UBASH3B: variants seen among roughly 807,000 people sequenced by gnomAD.
UBASH3B encodes the protein ubiquitin associated and SH3 domain containing B, also known as ubiquitin-associated and SH3 domain-containing protein B.
Under a neutral mutation model 83.4 loss-of-function variants are expected in UBASH3B, and 37 were observed. That is an observed-to-expected ratio of 0.44 (90% CI 0.34 to 0.58). The LOEUF (loss-of-function observed/expected upper bound fraction) is 0.58. Among genes scored for constraint, UBASH3B ranks in the 20% least tolerant of loss-of-function variants. The pLI is 0.01. For synonymous variants in UBASH3B, 304 were observed against 318.3 expected (o/e 0.96, Z 0.48); for missense variants, 657 against 827.2 (o/e 0.79, Z 2.52).
chr11:122,734,611 C>T (rs776290800), intron 1 of UBASH3B, among the ~76,000 whole-genome samples: 27 of 152,194 alleles, frequency 1.8e-4, no homozygotes, highest in Admixed American at 6.5e-5. Context: ...CTCACTCCAA[C>T]GACTGCCTTG....
chr11:122,706,914 A>C (rs1027827506), intron 1 of UBASH3B, among the ~76,000 whole-genome samples: 13 of 152,184 alleles, frequency 8.5e-5, no homozygotes, highest in Admixed American at 3.9e-4. Context: ...TTTGGACCTA[A>C]ATTCTGTTGT....
chr11:122,673,851 G>T (rs2135902276), intron 1 of UBASH3B, among the ~76,000 whole-genome samples: 1 of 152,316 alleles, frequency 6.6e-6, no homozygotes, highest in Middle Eastern at 3.4e-3. Flanking sequence ...GAAGAAGGAA[G>T]TACTCTCAAA....
intron 1 of UBASH3B, among the ~76,000 whole-genome samples, chr11:122,683,541 G>C (rs968587359): frequency 2.6e-5 from 4 of 151,304 alleles, no homozygotes; most frequent in African/African-American, 9.7e-5. Context: ...GGAGGCGGAG[G>C]TTGCAGTGAG....
intron 1 of UBASH3B, among the ~76,000 whole-genome samples, chr11:122,719,436 C>A (rs893144435): frequency 2.6e-5 from 4 of 152,112 alleles, no homozygotes; most frequent in Non-Finnish European, 5.9e-5. Context: ...TTTTCTTGTC[C>A]CTTTCTTTCA....
At chr11:122,777,876 T>C (rs935201806) in intron 3 of UBASH3B, among the ~76,000 whole-genome samples, 1 of 152,086 alleles carries the variant, frequency 6.6e-6, no homozygotes, top group African/African-American at 2.4e-5. Context: ...ATTACAGGCA[T>C]ATGCCACCAT....
intron 1 of UBASH3B, among the ~76,000 whole-genome samples, chr11:122,673,194 C>T (rs1863622905): frequency 6.6e-6 from 1 of 152,128 alleles, no homozygotes; most frequent in Non-Finnish European, 1.5e-5. Context: ...TCCAGTGTAA[C>T]CAAGCCAGGG....
At chr11:122,737,544 C>G (rs775536137) in intron 1 of UBASH3B, among the ~76,000 whole-genome samples, 1 of 152,052 alleles carries the variant, frequency 6.6e-6, no homozygotes, top group Non-Finnish European at 1.5e-5. Flanking sequence ...TGAGGAGCGT[C>G]GCTAAAGCCC....
At chr11:122,763,999 A>G (rs1860490016) in intron 1 of UBASH3B, among the ~76,000 whole-genome samples, 1 of 152,202 alleles carries the variant, frequency 6.6e-6, no homozygotes, top group African/African-American at 2.4e-5. Context: ...TATGAAAGTG[A>G]TAGAATAAAT....
At chr11:122,777,621 GT>G (rs11312055) in intron 3 of UBASH3B, among the ~76,000 whole-genome samples, 72,843 of 151,194 alleles carry the variant, frequency 0.48, 19,552 homozygotes, top group Non-Finnish European at 0.62. Flanking sequence ...CTGTCCACAA[GT>G]TTTTTTTTTC....
chr11:122,792,684 T>C lies in UBASH3B; in HGVS notation c.981-2018T>C, dbSNP rs964329140. 3.3e-5 allele frequency among the ~76,000 whole-genome samples: 5 copies of C among 152,318 alleles called. No homozygotes were observed. In the East Asian group the frequency reaches 9.6e-4, roughly 29 times the overall value. Reference sequence around the variant, plus strand: ...TTAGTTTAAAATAAAGTAGAATAGCTGGTCTATTATACTGTGTGAACGGCA... The same window carrying C: ...TTAGTTTAAAATAAAGTAGAATAGCCGGTCTATTATACTGTGTGAACGGCA... On this transcript the variant is annotated intron_variant, in intron 6 of 13. Transcript: ENST00000284273.
chr11:122,721,244 CAAAAAAAAAAAA>C (rs34298191), intron 1 of UBASH3B, among the ~76,000 whole-genome samples: 1 of 73,146 alleles, frequency 1.4e-5, no homozygotes. Flanking sequence ...GACTGTGTCT[CAAAAAAAAAAAA>C]AAAAAAAAAA....
At chr11:122,729,795 C>CAAAAAAAAAAAA (rs71054092) in intron 1 of UBASH3B, among the ~76,000 whole-genome samples, 1 of 40,884 alleles carries the variant, frequency 2.4e-5, no homozygotes, top group Non-Finnish European at 4.1e-5. Flanking sequence ...CCTATCTCTA[C>CAAAAAAAAAAAA]AAAAAAAAAA....
intron 1 of UBASH3B, among the ~76,000 whole-genome samples, chr11:122,729,538 T>G (rs61910261): frequency 0.32 from 49,302 of 152,078 alleles, 9,194 homozygotes; most frequent in Middle Eastern, 0.49. Flanking sequence ...GGCAAGTGAT[T>G]ATGTTAAAGA....
intron 1 of UBASH3B, among the ~76,000 whole-genome samples, chr11:122,773,329 G>A (rs1403207874): frequency 3.3e-5 from 5 of 152,124 alleles, no homozygotes; most frequent in African/African-American, 1.2e-4. Flanking sequence ...AACACACTTA[G>A]CCCAAATCGA....
intron 1 of UBASH3B, among the ~76,000 whole-genome samples, chr11:122,656,412 G>A (rs7129071): frequency 0.34 from 52,351 of 151,772 alleles, 9,317 homozygotes; most frequent in Admixed American, 0.39. Context: ...CGGCGCGGGG[G>A]CGTTGGGCCA....
chr11:122,729,727 A>G (rs1012512487), intron 1 of UBASH3B, among the ~76,000 whole-genome samples: 1 of 134,144 alleles, frequency 7.5e-6, no homozygotes, highest in Non-Finnish European at 1.5e-5. Context: ...TGGGAGGCCC[A>G]GGTGGGAGGA....
chr11:122,768,991 A>G (rs1450281019), intron 1 of UBASH3B, among the ~76,000 whole-genome samples: 1 of 152,210 alleles, frequency 6.6e-6, no homozygotes, highest in East Asian at 1.9e-4. Context: ...GAGGTTTCTA[A>G]CAATACCAGC....
intron 1 of UBASH3B, among the ~76,000 whole-genome samples, chr11:122,690,934 A>G (rs1243996406): frequency 6.6e-6 from 1 of 152,128 alleles, no homozygotes; most frequent in East Asian, 1.9e-4. Flanking sequence ...CGATCTTCTC[A>G]CTTCTGCGAA....
chr11:122,672,577 C>T (rs899969127), intron 1 of UBASH3B, among the ~76,000 whole-genome samples: 9 of 152,108 alleles, frequency 5.9e-5, no homozygotes, highest in African/African-American at 9.7e-5. Flanking sequence ...CTGCCTGTTT[C>T]GGCCTCCCAA....
Sources: allele counts gnomAD v4.1 joint callset (sites outside exome capture counted in the v4.1 genomes callset), GRCh38; gene constraint gnomAD v4.1.1; transcripts MANE v1.5; gene names NCBI Gene and HGNC (gene_info 2026-07-23, HGNC 2026-07-21).